Variants in OTOGL observed in about 807,000 individuals in gnomAD.
The protein encoded by OTOGL is otogelin like, also known as otogelin-like protein.
In OTOGL, 285 loss-of-function variants were observed where a neutral mutation model predicts 318.5. That is an observed-to-expected ratio of 0.89 (90% confidence interval 0.81 to 0.99). The LOEUF (loss-of-function observed/expected upper bound fraction) is 0.99. OTOGL is among the 50% of genes least tolerant of loss of function. The probability of loss-of-function intolerance (pLI) is 0.00; values close to 1 mark genes in which losing one functional copy is unlikely to be tolerated. For missense variants in OTOGL, 2,899 were observed against 2,845.6 expected (o/e 1.02, Z -0.43); for synonymous variants, 987 against 936.5 (o/e 1.05, Z -0.99).
Position 80,266,483 on chromosome 12 carries a change from C to A in OTOGL, c.2257C>A (p.His753Asn). 1.2e-6 allele frequency: 2 copies of A among 1,613,608 alleles called. No homozygotes were observed. The highest frequency in any genetic ancestry group is 1.7e-6 in the Non-Finnish European group (2 of 1,179,730). The change falls in exon 21 of 59, where the codon CAC (histidine) becomes AAC (asparagine). Residue 753 changes from histidine (H) to asparagine (N), a missense_variant. This residue lies in a region of OTOGL where 2,607 missense variants were observed against 2,524.9 expected (regional missense o/e 1.03). Coordinates refer to ENST00000547103, the MANE Select transcript of OTOGL (RefSeq NM_001378609.3). ...GTGCCAGAAGGGCATGCTGTACCATCACTGTTCCTCGTTCTGCCTCCATTC... is the reference window on the plus strand; with the variant it reads ...GTGCCAGAAGGGCATGCTGTACCATAACTGTTCCTCGTTCTGCCTCCATTC... ...VVCQKGMLYH[H>N]CSSFCLHSCI...
chr12:80,165,138 T>C (rs1389707245), intron 1 of OTOGL, among the ~76,000 whole-genome samples: 1 of 152,206 alleles, frequency 6.6e-6, no homozygotes, highest in Non-Finnish European at 1.5e-5. Context: ...AAATGGGTCT[T>C]GAAAAAATTT....
rs776402259 is a variant in OTOGL at position 80,310,705 on chromosome 12, T to C, written c.3428T>C (p.Ile1143Thr). Reference protein sequence around the residue: ...KKECSILYSDIFASCRNVIDV... With the variant: ...KKECSILYSDTFASCRNVIDV... The stretch of plus-strand genomic sequence containing the variant: ...GAATGCTCCATTTTGTACAGTGATA[T>C]TTTTGCTTCTTGTCGCAATGTGGTA... Residue 1143 changes from isoleucine (I) to threonine (T), a missense_variant, in exon 30 of 59, where the codon ATT (isoleucine) becomes ACT (threonine). By Grantham distance (89) the Ile-to-Thr change is moderately conservative. Around this residue, in one of 3 missense-constraint regions of OTOGL, gnomAD observed 2,607 missense variants for 2,524.9 expected, o/e 1.03. Coordinates refer to ENST00000547103, the MANE Select transcript of OTOGL (RefSeq NM_001378609.3). The C allele has an allele frequency of 6.9e-6, 11 of 1,584,864 alleles. No homozygotes were observed. The highest frequency in any genetic ancestry group is 1.7e-4 in the Middle Eastern group (1 of 6,024).
At chr12:80,276,664 A>G (rs1173331463) in intron 24 of OTOGL, among the ~76,000 whole-genome samples, 2 of 151,696 alleles carry the variant, frequency 1.3e-5, no homozygotes, top group African/African-American at 4.8e-5. Flanking sequence ...ATGCATAGCT[A>G]GAAGTTTGGG....
intron 1 of OTOGL, among the ~76,000 whole-genome samples, chr12:80,191,202 C>T (rs1381462655): frequency 6.6e-6 from 1 of 152,184 alleles, no homozygotes; most frequent in Non-Finnish European, 1.5e-5. Flanking sequence ...TTTTGGGAGG[C>T]TGAGGCGGGC....
At chr12:80,342,267 A>T in intron 44 of OTOGL, 105 bp downstream of exon 44, 1 of 826,066 alleles carries the variant, frequency 1.2e-6, no homozygotes, top group East Asian at 2.7e-5. Flanking sequence ...TGAGAACAAA[A>T]CCCCCAACCT....
chr12:80,264,989 G>C lies in OTOGL; in HGVS notation c.2015-12G>C. ...AACTGTTAAATAAGATGCTAATTGGGCTCTTTGTTAGTTGGGTATGCAGCA... is the reference window on the plus strand; with the variant it reads ...AACTGTTAAATAAGATGCTAATTGGCCTCTTTGTTAGTTGGGTATGCAGCA... On this transcript the variant is annotated splice_polypyrimidine_tract_variant and intron_variant, in intron 19 of 58. Transcript: ENST00000547103. 2 of 1,613,114 alleles carry C rather than the reference G, an allele frequency of 1.2e-6. No individual in the cohort carries two copies. The highest frequency in any genetic ancestry group is 1.1e-5 in the South Asian group (1 of 91,042).
chr12:80,172,539 G>A (rs368969909), intron 1 of OTOGL, among the ~76,000 whole-genome samples: 9 of 152,222 alleles, frequency 5.9e-5, no homozygotes, highest in African/African-American at 9.6e-5. Flanking sequence ...GAGGGCAATG[G>A]GGAAGAGCAT....
chr12:80,254,522 AGT>A lies in OTOGL; in HGVS notation c.1402_1403del (p.Val468TrpfsTer8). The stretch of plus-strand genomic sequence containing the variant: ...GATTAATATTTTTATAATTTCTTTT[AGT>A]GTGTGTGTTGGTGGAGTTTGGAACT... On this transcript the variant is annotated splice_acceptor_variant and coding_sequence_variant, in exon 15 of 59. Coordinates refer to ENST00000547103, the MANE Select transcript of OTOGL (RefSeq NM_001378609.3). LOFTEE classifies it high-confidence loss of function. 5 of 1,602,542 alleles carry A rather than the reference AGT, an allele frequency of 3.1e-6. No homozygotes were observed. Among genetic ancestry groups the A allele is most frequent in the South Asian group, 2.2e-5 (2 of 89,606 alleles).
chr12:80,232,203 A>C (rs915094726), intron 8 of OTOGL, among the ~76,000 whole-genome samples: 5 of 152,206 alleles, frequency 3.3e-5, no homozygotes, highest in Non-Finnish European at 4.4e-5. Flanking sequence ...TAAATAGCCC[A>C]AAAGGTATCC....
chr12:80,100,985 C>G (rs1385992343), intron 1 of OTOGL, among the ~76,000 whole-genome samples: 2 of 152,184 alleles, frequency 1.3e-5, no homozygotes, highest in African/African-American at 4.8e-5. Context: ...ATTCTTATAG[C>G]ACTGGGTTCA....
intron 1 of OTOGL, among the ~76,000 whole-genome samples, chr12:80,182,927 C>T (rs1379981605): frequency 6.6e-6 from 1 of 152,306 alleles, no homozygotes; most frequent in African/African-American, 2.4e-5. Flanking sequence ...ATCAGGGAAA[C>T]CCAAGGCTGC....
At chr12:80,256,266 C>T in intron 16 of OTOGL, 71 bp from the exon 17 acceptor site, 5 of 1,478,276 alleles carry the variant, frequency 3.4e-6, no homozygotes, top group South Asian at 2.5e-5. Flanking sequence ...CTCCCATCTC[C>T]ACCTTCCTGT....
At chr12:80,231,588 T>C (rs1277124951) in intron 8 of OTOGL, among the ~76,000 whole-genome samples, 1 of 152,132 alleles carries the variant, frequency 6.6e-6, no homozygotes, top group Non-Finnish European at 1.5e-5. Context: ...TTATTCACAT[T>C]ATGGTATATA....
intron 6 of OTOGL, among the ~76,000 whole-genome samples, chr12:80,220,396 T>C (rs1385475989): frequency 6.6e-6 from 1 of 152,110 alleles, no homozygotes; most frequent in African/African-American, 2.4e-5. Flanking sequence ...TGAACTCAGG[T>C]GATCCTCCCA....
chr12:80,112,623 A>T (rs1486798780), intron 1 of OTOGL, among the ~76,000 whole-genome samples: 2 of 150,492 alleles, frequency 1.3e-5, no homozygotes, highest in African/African-American at 4.9e-5. Flanking sequence ...AAGCTTTTTG[A>T]TGTGTTGCTG....
chr12:80,109,210 A>T (rs1048714440), intron 1 of OTOGL, among the ~76,000 whole-genome samples: 1 of 152,006 alleles, frequency 6.6e-6, no homozygotes, highest in African/African-American at 2.4e-5. Flanking sequence ...AAATGTTTTT[A>T]TTGCTATGAA....
At chr12:80,278,697 T>G (rs1344906718) in intron 25 of OTOGL, among the ~76,000 whole-genome samples, 2 of 151,608 alleles carry the variant, frequency 1.3e-5, no homozygotes, top group African/African-American at 4.8e-5. Context: ...GTCTAATGCA[T>G]TTAAATTTAC....
chr12:80,290,404 T>A (rs1005880944), intron 26 of OTOGL, among the ~76,000 whole-genome samples: 1 of 152,134 alleles, frequency 6.6e-6, no homozygotes, highest in Non-Finnish European at 1.5e-5. Context: ...ATGCTCCATG[T>A]CTATGGACCA....
intron 1 of OTOGL, among the ~76,000 whole-genome samples, chr12:80,114,962 C>T (rs965123325): frequency 6.6e-6 from 1 of 151,732 alleles, no homozygotes. Context: ...TTTTCAGCTC[C>T]ATCAGGTCAT....
Sources: allele counts gnomAD v4.1 joint callset (sites outside exome capture counted in the v4.1 genomes callset), GRCh38; gene constraint gnomAD v4.1.1; regional missense constraint gnomAD v4.1.1; transcripts MANE v1.5; gene names NCBI Gene and HGNC (gene_info 2026-07-23, HGNC 2026-07-21).